The following RSF1 variants were observed in gnomAD, a reference collection of about 807,000 sequenced individuals.
RSF1 encodes HBV pX-associated protein 8.
Under a neutral mutation model 145.2 loss-of-function variants are expected in RSF1, and 13 were observed. That is an observed-to-expected ratio of 0.09 (90% CI 0.06 to 0.14). RSF1 has a LOEUF of 0.14. Among genes scored for constraint, RSF1 ranks in the 10% least tolerant of loss-of-function variants. The pLI is 1.00. For missense variants in RSF1, 1,517 were observed against 1,718.2 expected, an observed-to-expected ratio of 0.88 and a Z score of 2.07; for synonymous variants, 577 against 592.6, an observed-to-expected ratio of 0.97 and a Z score of 0.38.
At chr11:77,798,663 G>A (rs1203079304) in intron 1 of RSF1, among the ~76,000 whole-genome samples, 1 of 124,424 alleles carries the variant, frequency 8.0e-6, no homozygotes, top group Non-Finnish European at 1.6e-5. Context: ...CCATAAAAAA[G>A]GATGAGTTCA....
At chr11:77,833,415 C>T in the RSF1 span, among the ~76,000 whole-genome samples, 1 of 152,166 alleles carries the variant, frequency 6.6e-6, no homozygotes, top group Non-Finnish European at 1.5e-5. Context: ...AAATCCCTCA[C>T]ATGTGCAGTT....
chr11:77,689,186 T>C (rs1417681981), intron 9 of RSF1, among the ~76,000 whole-genome samples: 1 of 152,258 alleles, frequency 6.6e-6, no homozygotes. Flanking sequence ...ATTATCACAA[T>C]GCCTGCCCTA....
At chr11:77,754,386 G>A (rs1342384096) in intron 2 of RSF1, among the ~76,000 whole-genome samples, 1 of 152,132 alleles carries the variant, frequency 6.6e-6, no homozygotes, top group African/African-American at 2.4e-5. Context: ...AGGATCACTT[G>A]AACCCAGGAG....
intron 1 of RSF1, among the ~76,000 whole-genome samples, chr11:77,775,248 CA>C (rs36109857): frequency 3.6e-3 from 388 of 107,688 alleles, no homozygotes; most frequent in Non-Finnish European, 5.5e-3. Flanking sequence ...GACTCCATCT[CA>C]AAAAAAAAAA....
In RSF1 at chr11:77,698,544, G is replaced by C; in HGVS notation, c.2658C>G (p.Ile886Met). ...EEEEKESEEA[I>M]LADDDEPCKK... Reference sequence around the variant, plus strand: ...TGCATGGTTCATCATCATCTGCTAGGATGGCTTCTTCACTTTCCTTTTCTT... The same window carrying C: ...TGCATGGTTCATCATCATCTGCTAGCATGGCTTCTTCACTTTCCTTTTCTT... The change falls in exon 7 of 16, where the codon ATC (isoleucine) becomes ATG (methionine). Residue 886 changes from isoleucine to methionine, a missense_variant. Around this residue, in one of 12 missense-constraint regions of RSF1, gnomAD observed 24 missense variants for 32.1 expected, o/e 0.75. Transcript: ENST00000308488. 8 of 1,614,082 alleles carry C rather than the reference G, an allele frequency of 5.0e-6. No homozygotes were observed. The highest frequency in any genetic ancestry group is 4.5e-5 in the East Asian group (2 of 44,876).
At chr11:77,819,794 T>G (rs1948828766) in intron 1 of RSF1, among the ~76,000 whole-genome samples, 1 of 151,802 alleles carries the variant, frequency 6.6e-6, no homozygotes, top group Non-Finnish European at 1.5e-5. Context: ...GAAGGAGAAC[T>G]ATGGAGGAGG....
At chr11:77,852,004 A>G in the RSF1 span, among the ~76,000 whole-genome samples, 1 of 152,148 alleles carries the variant, frequency 6.6e-6, no homozygotes, top group Non-Finnish European at 1.5e-5. Context: ...ACATTCTGCC[A>G]CATTTGCTTT....
chr11:77,871,389 A>G, the RSF1 span, among the ~76,000 whole-genome samples: 1 of 152,220 alleles, frequency 6.6e-6, no homozygotes, highest in Admixed American at 6.5e-5. Flanking sequence ...TGGGTAAGGC[A>G]CTATTCTAGA....
intron 1 of RSF1, among the ~76,000 whole-genome samples, chr11:77,810,368 T>C (rs1054433910): frequency 1.3e-5 from 2 of 152,124 alleles, no homozygotes; most frequent in Non-Finnish European, 2.9e-5. Context: ...ATGAAAGAAA[T>C]TTAGTTCAAT....
chr11:77,832,420 G>A, the RSF1 span, among the ~76,000 whole-genome samples: 3 of 150,934 alleles, frequency 2.0e-5, no homozygotes, highest in Middle Eastern at 3.4e-3. Context: ...TCCGCCTCCC[G>A]GGTTCAAGCG....
chr11:77,784,577 T>C (rs2135959881), intron 1 of RSF1, among the ~76,000 whole-genome samples: 1 of 152,274 alleles, frequency 6.6e-6, no homozygotes, highest in Non-Finnish European at 1.5e-5. Context: ...TTGGAAAATA[T>C]CAATGTTACC....
intron 1 of RSF1, among the ~76,000 whole-genome samples, chr11:77,807,746 T>C (rs903056573): frequency 6.6e-6 from 1 of 152,166 alleles, no homozygotes; most frequent in African/African-American, 2.4e-5. Context: ...CAATGGAGCA[T>C]TGTTAAGGCC....
At chr11:77,863,423 G>A in the RSF1 span, among the ~76,000 whole-genome samples, 12 of 152,298 alleles carry the variant, frequency 7.9e-5, no homozygotes, top group Non-Finnish European at 1.6e-4. Context: ...GCAGTTGCAA[G>A]ATTTAAGAGT....
At chr11:77,767,192 C>T (rs1948235305) in intron 1 of RSF1, among the ~76,000 whole-genome samples, 1 of 152,154 alleles carries the variant, frequency 6.6e-6, no homozygotes, top group Non-Finnish European at 1.5e-5. Flanking sequence ...TTTTATTTCT[C>T]TTCTGTTTTA....
chr11:77,807,419 T>C (rs527959504), intron 1 of RSF1, among the ~76,000 whole-genome samples: 11 of 152,328 alleles, frequency 7.2e-5, no homozygotes, highest in African/African-American at 2.6e-4. Context: ...ATAACTATAT[T>C]CATGCAAACA....
In RSF1 at chr11:77,685,168, G is replaced by T; in HGVS notation, c.2901-9C>A. The T allele has an allele frequency of 3.9e-6, 6 of 1,519,140 alleles. No homozygotes were observed. The highest frequency in any genetic ancestry group is 4.5e-6 in the Non-Finnish European group (5 of 1,121,944). The allele number at this position is 1,519,140 out of a possible 1,614,324, so 94.1% of individuals were successfully genotyped here. On this transcript the variant is annotated splice_polypyrimidine_tract_variant and intron_variant, in intron 9 of 15. Transcript: ENST00000308488. Reference sequence around the variant, plus strand: ...ACACCAAGCGTTCTTTTCTTTAGGTGAAAAACAAACAAAATACATGAGATT... The same window carrying T: ...ACACCAAGCGTTCTTTTCTTTAGGTTAAAAACAAACAAAATACATGAGATT...
intron 8 of RSF1, among the ~76,000 whole-genome samples, chr11:77,692,983 T>C (rs1960195280): frequency 6.6e-6 from 1 of 152,192 alleles, no homozygotes; most frequent in African/African-American, 2.4e-5. Context: ...GCCTAATCTA[T>C]CATTTTTAAG....
chr11:77,850,980 G>T, the RSF1 span: 1 of 127,712 alleles, frequency 7.8e-6, no homozygotes, highest in Non-Finnish European at 1.6e-5. Context: ...TTTTGAGATG[G>T]AGTCTCGCTC....
chr11:77,736,489 T>C (rs1277600298), intron 4 of RSF1, among the ~76,000 whole-genome samples: 1 of 152,224 alleles, frequency 6.6e-6, no homozygotes, highest in Non-Finnish European at 1.5e-5. Flanking sequence ...CCACATTATT[T>C]TAGGCACTAA....
Sources: gnomAD v4.1 joint callset for allele counts (sites outside exome capture counted in the v4.1 genomes callset) on GRCh38, gnomAD v4.1.1 for gene constraint, gnomAD v4.1.1 regional missense constraint, MANE v1.5 for transcripts, NCBI Gene and HGNC (gene_info 2026-07-23, HGNC 2026-07-21) for gene names.